CCDC15: variants seen among roughly 807,000 people sequenced by gnomAD.
CCDC15 encodes the protein coiled-coil domain-containing protein 15.
In CCDC15, 105 loss-of-function variants were observed where a neutral mutation model predicts 114.5. The ratio of observed to expected loss-of-function variants is 0.92; its 90% CI spans 0.78 to 1.08. The LOEUF is 1.08. Among genes scored for constraint, CCDC15 ranks in the 50% least tolerant of loss-of-function variants. The pLI, the probability that CCDC15 is intolerant of heterozygous loss-of-function variation, is 0.00. For synonymous variants in CCDC15, 334 were observed against 377.8 expected (o/e 0.88, Z 1.34); for missense variants, 1,105 against 1,093.6 (o/e 1.01, Z -0.15).
intron 4 of CCDC15, among the ~76,000 whole-genome samples, chr11:124,964,584 A>G (rs1947734981): frequency 6.6e-6 from 1 of 152,184 alleles, no homozygotes; most frequent in Non-Finnish European, 1.5e-5. Flanking sequence ...TGTCATCTGC[A>G]AACAGGGACA....
At chr11:124,972,365 T>C (rs1219778524) in intron 4 of CCDC15, among the ~76,000 whole-genome samples, 1 of 152,160 alleles carries the variant, frequency 6.6e-6, no homozygotes, top group African/African-American at 2.4e-5. Flanking sequence ...TATGTAAGTA[T>C]ACATACAAAT....
Position 124,977,481 on chromosome 11 carries a change from G to A in CCDC15, c.634G>A (p.Val212Met), listed in dbSNP as rs1947992540. The A allele has an allele frequency of 2.5e-6, 4 of 1,584,122 alleles. No homozygotes were observed. Among genetic ancestry groups the A allele is most frequent in the South Asian group, 1.2e-5 (1 of 85,864 alleles). ...GRKSFLTREE[V>M]LSRKPASTGI... Reference sequence around the variant, plus strand: ...TTTGTAGTAATTTTTTTTCCAGGAAGTGCTTTCCAGGAAACCAGCATCCAC... The same window carrying A: ...TTTGTAGTAATTTTTTTTCCAGGAAATGCTTTCCAGGAAACCAGCATCCAC... The change falls in exon 6 of 16, where the codon GTG becomes ATG. Residue 212 changes from valine (V) to methionine (M), a missense_variant. Transcript: ENST00000344762.
rs188820123 is a variant in CCDC15 at position 125,017,819 on chromosome 11, C to G, written c.2411+12607C>G. Among the ~76,000 whole-genome samples the G allele has an allele frequency of 1.1e-3, 165 of 151,888 alleles. 1 individual carries two copies. The highest frequency in any genetic ancestry group is 3.5e-3 in the African/African-American group (147 of 41,458). ...GGCCTAGGCTAACATGTATTTATGTCTTAGTTTTTAACAAAATAGTTTAAA... is the reference window on the plus strand; with the variant it reads ...GGCCTAGGCTAACATGTATTTATGTGTTAGTTTTTAACAAAATAGTTTAAA... On this transcript the variant is annotated intron_variant, in intron 13 of 15. Coordinates refer to ENST00000344762, the MANE Select transcript of CCDC15 (RefSeq NM_025004.3).
At chr11:124,981,220 T>A (rs1948067220) in intron 6 of CCDC15, among the ~76,000 whole-genome samples, 1 of 152,208 alleles carries the variant, frequency 6.6e-6, no homozygotes, top group African/African-American at 2.4e-5. Context: ...GTGTGTGCCA[T>A]GTGCAGATGA....
intron 11 of CCDC15, among the ~76,000 whole-genome samples, chr11:125,000,109 C>T (rs373024914): frequency 5.3e-5 from 8 of 151,882 alleles, no homozygotes; most frequent in East Asian, 3.9e-4. Flanking sequence ...GTAATCCACC[C>T]GCCTTGGCCT....
At chr11:125,033,635 ATC>A (rs1266662980) in intron 13 of CCDC15, among the ~76,000 whole-genome samples, 4 of 152,152 alleles carry the variant, frequency 2.6e-5, no homozygotes, top group Non-Finnish European at 5.9e-5. Flanking sequence ...CACCATTCCA[ATC>A]TCTCTATACC....
At chr11:124,999,811 C>A (rs966134396) in intron 11 of CCDC15, among the ~76,000 whole-genome samples, 1 of 150,234 alleles carries the variant, frequency 6.7e-6, no homozygotes, top group African/African-American at 2.4e-5. Flanking sequence ...GTCACATCTT[C>A]CTGCTTTCTT....
rs1947954254 is a variant in CCDC15, at chr11:124,975,222, C to T, written c.630+13C>T. The T allele has an allele frequency of 3.5e-6, 5 of 1,442,962 alleles. No homozygotes were observed. The highest frequency in any genetic ancestry group is 1.5e-5 in the African/African-American group (1 of 68,676). 89.4% of individuals were successfully genotyped at this position (1,442,962 alleles called of 1,614,324 possible). ...TCTTACCAGAGAGGTAAATTAATTTCTAATACATGATTTAAAAAAATACAG... is the reference window on the plus strand; with the variant it reads ...TCTTACCAGAGAGGTAAATTAATTTTTAATACATGATTTAAAAAAATACAG... On this transcript the variant is annotated intron_variant, in intron 5 of 15. Coordinates refer to ENST00000344762, the MANE Select transcript of CCDC15 (RefSeq NM_025004.3).
rs912848519 is a variant in CCDC15 at position 124,975,245 on chromosome 11, C to T, written c.630+36C>T. The T allele has an allele frequency of 2.4e-6, 3 of 1,257,604 alleles. No homozygotes were observed. In the South Asian group the frequency reaches 4.3e-5, roughly 18 times the overall value. The allele number at this position is 1,257,604 out of a possible 1,614,324, so 77.9% of individuals were successfully genotyped here. ...TTCTAATACATGATTTAAAAAAATACAGGTAAAAAATACAGATAAAGATTT... is the reference window on the plus strand; with the variant it reads ...TTCTAATACATGATTTAAAAAAATATAGGTAAAAAATACAGATAAAGATTT... On this transcript the variant is annotated intron_variant, in intron 5 of 15. Transcript: ENST00000344762.
intron 13 of CCDC15, 190 bp from the exon 14 acceptor site, chr11:125,038,241 A>G: frequency 4.6e-6 from 2 of 436,262 alleles, no homozygotes; most frequent in Non-Finnish European, 8.0e-6. Flanking sequence ...TTTTAATAGT[A>G]GCCATTGCTC....
Position 124,986,415 on chromosome 11 carries a change from G to A in CCDC15, c.754-327G>A, listed in dbSNP as rs1244912123. On this transcript the variant is annotated intron_variant, in intron 6 of 15. Transcript: ENST00000344762. ...GCCAAGTGGCATTTTGATAGGGAGT[G>A]TTGTAAATTTGAGAAATATTACCAT... is the stretch of plus-strand genomic sequence containing the variant. Among the ~76,000 whole-genome samples the A allele has an allele frequency of 3.3e-5, 5 of 152,292 alleles. No individual in the cohort carries two copies. In the East Asian group the frequency reaches 9.6e-4, roughly 29 times the overall value.
chr11:124,983,820 G>C (rs1242686612), intron 6 of CCDC15, among the ~76,000 whole-genome samples: 3 of 152,146 alleles, frequency 2.0e-5, no homozygotes, highest in African/African-American at 7.2e-5. Flanking sequence ...CAGGTGCAGG[G>C]GTGCTGGCCT....
intron 1 of CCDC15, 116 bp from the exon 2 acceptor site, chr11:124,954,608 A>T: frequency 1.3e-6 from 1 of 763,174 alleles, no homozygotes; most frequent in Non-Finnish European, 2.1e-6. Flanking sequence ...ACTTCATGCC[A>T]GGCTTCTGCC....
At chr11:124,994,729 A>G (rs1050889288) in intron 11 of CCDC15, among the ~76,000 whole-genome samples, 1 of 152,158 alleles carries the variant, frequency 6.6e-6, no homozygotes, top group African/African-American at 2.4e-5. Flanking sequence ...GTTTGGGGGC[A>G]TTGAGTTAAG....
intron 2 of CCDC15, 70 bp from the exon 3 acceptor site, chr11:124,959,045 G>A: frequency 9.9e-7 from 1 of 1,006,472 alleles, no homozygotes; most frequent in Non-Finnish European, 1.4e-6. Context: ...TGACTGTTTT[G>A]TGTTTAAAAC....
chr11:124,964,805 G>T (rs141583649), intron 4 of CCDC15, among the ~76,000 whole-genome samples: 1,594 of 152,246 alleles, frequency 0.01, 34 homozygotes, highest in African/African-American at 0.037. Flanking sequence ...ATTATTTTGA[G>T]ATATGCCCCA....
At chr11:124,966,726 C>A (rs1208874169) in intron 4 of CCDC15, among the ~76,000 whole-genome samples, 1 of 152,200 alleles carries the variant, frequency 6.6e-6, no homozygotes, top group East Asian at 1.9e-4. Context: ...GATGCAGTTT[C>A]TTCCTAGCAT....
intron 12 of CCDC15, among the ~76,000 whole-genome samples, chr11:125,004,438 G>A (rs570417299): frequency 1.3e-5 from 2 of 151,832 alleles, no homozygotes; most frequent in Non-Finnish European, 2.9e-5. Flanking sequence ...AATACCACTG[G>A]TGATTCTGAT....
At chr11:124,994,390 A>G (rs1948327050) in intron 11 of CCDC15, among the ~76,000 whole-genome samples, 1 of 152,234 alleles carries the variant, frequency 6.6e-6, no homozygotes, top group Admixed American at 6.5e-5. Context: ...CATACAGCGC[A>G]AAATGTATCC....
Sources: allele counts gnomAD v4.1 joint callset (sites outside exome capture counted in the v4.1 genomes callset), GRCh38; gene constraint gnomAD v4.1.1; transcripts MANE v1.5; gene names NCBI Gene and HGNC (gene_info 2026-07-23, HGNC 2026-07-21).